The following COL12A1 variants were observed in gnomAD, a reference collection of about 807,000 sequenced individuals.
COL12A1 encodes the protein collagen type XII alpha 1 chain, also known as collagen alpha-1(XII) chain.
COL12A1 carries 114 observed loss-of-function variants against 349.7 expected under a neutral mutation model. The ratio of observed to expected loss-of-function variants is 0.33; its 90% CI spans 0.28 to 0.38. The LOEUF (loss-of-function observed/expected upper bound fraction) is 0.38, where lower values mean the gene tolerates loss of function less well. Ranked by LOEUF, COL12A1 falls within the 10% of genes least tolerant of loss-of-function variation. The pLI is 1.00. For synonymous variants in COL12A1, 1,369 were observed against 1,329.0 expected (o/e 1.03, Z -0.66); for missense variants, 3,284 against 3,756.9 (o/e 0.87, Z 3.29).
intron 13 of COL12A1, among the ~76,000 whole-genome samples, chr6:75,167,454 T>C (rs1768371822): frequency 6.6e-6 from 1 of 152,176 alleles, no homozygotes; most frequent in Non-Finnish European, 1.5e-5. Context: ...TTCAAAAAAG[T>C]ATCAGACAAA....
chr6:75,192,127 T>C (rs1421923568), intron 4 of COL12A1, 85 bp downstream of exon 4: 6 of 1,111,140 alleles, frequency 5.4e-6, no homozygotes, highest in Non-Finnish European at 6.2e-6. Context: ...ATTAACTTTG[T>C]ATCATAAAAG....
rs767944355 is a variant in COL12A1 at position 75,115,840 on chromosome 6, G to A, written c.7641C>T (p.Phe2547=). The A allele has an allele frequency of 6.2e-7, 1 of 1,613,604 alleles. No individual in the cohort carries two copies. The highest frequency in any genetic ancestry group is 1.1e-5 in the South Asian group (1 of 91,058). Residue 2547 remains phenylalanine (F), a synonymous_variant, in exon 49 of 66, where the codon TTC becomes TTT. Coordinates refer to ENST00000322507, the MANE Select transcript of COL12A1 (RefSeq NM_004370.6). ...VQGVSLESGS[F]PSYSAYRIQK... is the part of the protein sequence containing the mutation. Reference sequence around the variant, plus strand: ...GAATCCTGTATGCTGAGTAGCTGGGGAAAGACCCTGACTCCAAAGATACTC... The same window carrying A: ...GAATCCTGTATGCTGAGTAGCTGGGAAAAGACCCTGACTCCAAAGATACTC...
rs373362080 is a variant in COL12A1 at position 75,189,799 on chromosome 6, G to C, written c.411C>G (p.Ala137=). 1.7e-5 allele frequency: 28 copies of C among 1,612,248 alleles called. No individual in the cohort carries two copies. The highest frequency in any genetic ancestry group is 2.3e-5 in the Non-Finnish European group (27 of 1,178,854). ...KTEIQKCSVS[A]WTDLVFLVDG... is the part of the protein sequence containing the mutation. The stretch of plus-strand genomic sequence containing the variant: ...CCACGAGGAAAACCAAATCAGTCCA[G>C]GCACTGACAGAGCATTCTGAAATAC... The change falls in exon 6 of 66, where the codon GCC becomes GCG. Residue 137 remains alanine, a synonymous_variant. Coordinates refer to ENST00000322507, the MANE Select transcript of COL12A1 (RefSeq NM_004370.6).
intron 20 of COL12A1, 33 bp from the exon 21 acceptor site, chr6:75,151,320 C>G (rs1288861459): frequency 5.0e-6 from 8 of 1,586,060 alleles, no homozygotes; most frequent in Non-Finnish European, 6.9e-6. Flanking sequence ...ATTAAAAGCA[C>G]TTCTCAGAAA....
Position 75,102,032 on chromosome 6 carries a change from A to T in COL12A1, c.8436T>A (p.Gly2812=). Residue 2812 remains glycine (G), a synonymous_variant, in exon 57 of 66, where the codon GGT becomes GGA. Transcript: ENST00000322507. ...PGEQGRQGMK[G]DAGEPGLPGR... ...CTGGAAGTCCTGGCTCTCCAGCATC[A>T]CCTTTCATCCCTTGGCGACCCTAGA... The T allele has an allele frequency of 6.2e-7, 1 of 1,614,156 alleles. No individual in the cohort carries two copies. Among genetic ancestry groups the T allele is most frequent in the Non-Finnish European group, 8.5e-7 (1 of 1,180,030 alleles).
chr6:75,173,237 C>T (rs1384001494), intron 13 of COL12A1, among the ~76,000 whole-genome samples: 1 of 152,126 alleles, frequency 6.6e-6, no homozygotes, highest in Non-Finnish European at 1.5e-5. Context: ...AGGTTTACTC[C>T]AGGTCACACA....
chr6:75,198,515 A>G (rs1770351517), intron 2 of COL12A1, among the ~76,000 whole-genome samples: 1 of 151,752 alleles, frequency 6.6e-6, no homozygotes, highest in Admixed American at 6.6e-5. Flanking sequence ...TTATACATAT[A>G]TACATAAATA....
At chr6:75,177,548 A>C in intron 12 of COL12A1, 115 bp downstream of exon 12, 1 of 1,321,158 alleles carries the variant, frequency 7.6e-7, no homozygotes, top group Non-Finnish European at 1.1e-6. Flanking sequence ...GGTCTAACAT[A>C]CTCAAACAAT....
intron 57 of COL12A1, 122 bp from the exon 58 acceptor site, chr6:75,101,775 G>A: frequency 1.7e-6 from 2 of 1,173,756 alleles, no homozygotes; most frequent in Non-Finnish European, 2.4e-6. Flanking sequence ...CAGGAGAACA[G>A]AGCCAAGCAC....
At chr6:75,107,269 T>C (rs766350647) in intron 52 of COL12A1, among the ~76,000 whole-genome samples, 4 of 151,938 alleles carry the variant, frequency 2.6e-5, no homozygotes, top group Non-Finnish European at 5.9e-5. Flanking sequence ...ATCAAATTTG[T>C]TTTTTGTTTT....
chr6:75,103,910 A>G, intron 54 of COL12A1, 100 bp from the exon 55 acceptor site: 1 of 794,388 alleles, frequency 1.3e-6, no homozygotes, highest in Non-Finnish European at 2.0e-6. Flanking sequence ...CCAGACAATT[A>G]TTATTCTACA....
intron 38 of COL12A1, among the ~76,000 whole-genome samples, chr6:75,127,414 T>C (rs1375783477): frequency 2.0e-5 from 3 of 152,134 alleles, no homozygotes; most frequent in Non-Finnish European, 4.4e-5. Flanking sequence ...AATTCTGTAA[T>C]GTTGTCAAGA....
intron 14 of COL12A1, among the ~76,000 whole-genome samples, chr6:75,158,238 A>C (rs966823281): frequency 6.6e-6 from 1 of 152,294 alleles, no homozygotes; most frequent in Middle Eastern, 3.4e-3. Flanking sequence ...TTTGGGTTTA[A>C]TAAGGTCATC....
intron 58 of COL12A1, among the ~76,000 whole-genome samples, chr6:75,101,003 G>T (rs766514745): frequency 3.3e-5 from 5 of 152,164 alleles, no homozygotes; most frequent in African/African-American, 4.8e-5. Flanking sequence ...TAGAGGTCAT[G>T]TTCACCATGC....
chr6:75,129,953 A>G, intron 37 of COL12A1, 138 bp downstream of exon 37: 3 of 995,270 alleles, frequency 3.0e-6, no homozygotes, highest in Non-Finnish European at 4.4e-6. Context: ...GGTGGTCCCA[A>G]CGTCATGTCA....
At chr6:75,178,846 A>G (rs1417255844) in intron 11 of COL12A1, among the ~76,000 whole-genome samples, 2 of 152,346 alleles carry the variant, frequency 1.3e-5, no homozygotes, top group East Asian at 3.9e-4. Context: ...TCTAGAAGAG[A>G]AAGGAAGGAA....
intron 14 of COL12A1, among the ~76,000 whole-genome samples, chr6:75,161,304 G>C (rs1768014677): frequency 6.6e-6 from 1 of 151,980 alleles, no homozygotes; most frequent in Non-Finnish European, 1.5e-5. Context: ...AATCATCTCT[G>C]CATTACTTAT....
At chr6:75,187,347 C>A (rs1451227391) in intron 8 of COL12A1, among the ~76,000 whole-genome samples, 2 of 151,622 alleles carry the variant, frequency 1.3e-5, no homozygotes, top group Non-Finnish European at 2.9e-5. Flanking sequence ...AATGTGAACA[C>A]CTGTGATGTA....
At chr6:75,203,629 C>T (rs532795879) in intron 1 of COL12A1, among the ~76,000 whole-genome samples, 3 of 152,252 alleles carry the variant, frequency 2.0e-5, no homozygotes, top group South Asian at 2.1e-4. Context: ...TGTTCTGTTC[C>T]GATTTTTTCT....
Sources: allele counts gnomAD v4.1 joint callset (sites outside exome capture counted in the v4.1 genomes callset), GRCh38; gene constraint gnomAD v4.1.1; transcripts MANE v1.5; gene names NCBI Gene and HGNC (gene_info 2026-07-23, HGNC 2026-07-21).